Variants in ASAP2 observed in about 807,000 individuals in gnomAD.
The protein encoded by ASAP2 is ArfGAP with SH3 domain, ankyrin repeat and PH domain 2.
Under a neutral mutation model 131.4 loss-of-function variants are expected in ASAP2, and 45 were observed. The observed-to-expected ratio is 0.34, with a 90% CI of 0.27 to 0.44. The LOEUF is 0.44. Ranked by LOEUF, ASAP2 falls within the 20% of genes least tolerant of loss-of-function variation. ASAP2 has a pLI of 1.00. For synonymous variants in ASAP2, 510 were observed against 503.0 expected, an observed-to-expected ratio of 1.01 and a Z score of -0.19; for missense variants, 1,011 against 1,297.0, an observed-to-expected ratio of 0.78 and a Z score of 3.39.
rs763687265 is a variant in ASAP2, at chr2:9,368,496, C to T, written c.1533C>T (p.Val511=). The change falls in exon 16 of 28, where the codon GTC becomes GTT. Residue 511 remains valine (V), a synonymous_variant. Coordinates refer to ENST00000281419, the MANE Select transcript of ASAP2 (RefSeq NM_003887.3). Reference sequence around the variant, plus strand: ...GTTGCCTACCAGCTGAGGACTCAGTCAAACCCAACCCAGGCAGCGACATGT... The same window carrying T: ...GTTGCCTACCAGCTGAGGACTCAGTTAAACCCAACCCAGGCAGCGACATGT... ...MECCLPAEDS[V]KPNPGSDMNA... is the part of the protein sequence containing the mutation. 6.2e-7 allele frequency: 1 copy of T among 1,614,124 alleles called. No homozygotes were observed.
Position 9,380,763 on chromosome 2 carries a change from G to T in ASAP2, c.1971G>T (p.Pro657=). 2 of 1,614,126 alleles carry T rather than the reference G, an allele frequency of 1.2e-6. No homozygotes were observed. The highest frequency in any genetic ancestry group is 1.7e-6 in the Non-Finnish European group (2 of 1,180,034). ...IEIANESGET[P]LDIAKRLKHE... ...TAGCAAACGAGTCAGGAGAGACTCC[G>T]CTGGACATTGCCAAGCGCCTCAAGC... The change falls in exon 20 of 28, where the codon CCG becomes CCT. Residue 657 remains proline, a synonymous_variant. Transcript: ENST00000281419.
rs1234067742 is a variant in ASAP2 at position 9,355,942 on chromosome 2, CAG to C, written c.1112-100_1112-99del. On this transcript the variant is annotated intron_variant, in intron 12 of 27. Coordinates refer to ENST00000281419, the MANE Select transcript of ASAP2 (RefSeq NM_003887.3). ...TTTATACAAATCAGTAATTTCGTAACAGAGAGCTAAGATTATTCCAGAGGCTA... is the reference window on the plus strand; with the variant it reads ...TTTATACAAATCAGTAATTTCGTAACAGAGCTAAGATTATTCCAGAGGCTA... 6 of 1,376,026 alleles carry C rather than the reference CAG, an allele frequency of 4.4e-6. No individual in the cohort carries two copies. The East Asian group carries it at 1.1e-4, about 26-fold the overall frequency. The allele number at this position is 1,376,026 out of a possible 1,614,324, so 85.2% of individuals were successfully genotyped here.
At chr2:9,249,603 G>A (rs547242963) in intron 1 of ASAP2, among the ~76,000 whole-genome samples, 1 of 152,352 alleles carries the variant, frequency 6.6e-6, no homozygotes, top group South Asian at 2.1e-4. Flanking sequence ...CCATCACATA[G>A]ACTGCATAGC....
At chr2:9,211,683 G>A (rs1204666904) in intron 1 of ASAP2, among the ~76,000 whole-genome samples, 7 of 152,312 alleles carry the variant, frequency 4.6e-5, no homozygotes, top group African/African-American at 1.7e-4. Flanking sequence ...TAACTGCAGG[G>A]GTGGGGTGAG....
rs910393591 is a variant in ASAP2, at chr2:9,282,573, G to A, written c.199+3184G>A. 8.5e-5 allele frequency among the ~76,000 whole-genome samples: 13 copies of A among 152,238 alleles called. 1 individual carries two copies. The highest frequency in any genetic ancestry group is 3.4e-3 in the Middle Eastern group (1 of 294). Reference sequence around the variant, plus strand: ...AGTGCCAGCGACCACAGTTGGCTTCGGTGCACTGTAACTACAGTCATGGGC... The same window carrying A: ...AGTGCCAGCGACCACAGTTGGCTTCAGTGCACTGTAACTACAGTCATGGGC... On this transcript the variant is annotated intron_variant, in intron 2 of 27. Coordinates refer to ENST00000281419, the MANE Select transcript of ASAP2 (RefSeq NM_003887.3).
chr2:9,374,968 T>C (rs751554827), intron 17 of ASAP2, 24 bp downstream of exon 17: 1 of 1,512,632 alleles, frequency 6.6e-7, no homozygotes. Flanking sequence ...TTGTTGCTAC[T>C]TTAAAAAAAA....
rs143703956 is a variant in ASAP2, at chr2:9,334,934, G to A, written c.762+121G>A. ...CCGTGCCGCCCACGTGGAGTGTGGC[G>A]TTCCCACGCCTGTCCTCTGTCTTGG... On this transcript the variant is annotated intron_variant, in intron 8 of 27. Coordinates refer to ENST00000281419, the MANE Select transcript of ASAP2 (RefSeq NM_003887.3). 440 of 1,350,378 alleles carry A rather than the reference G, an allele frequency of 3.3e-4. 2 individuals are homozygous for A. In the African/African-American group the frequency reaches 3.8e-3, roughly 12 times the overall value. 83.6% of individuals were successfully genotyped at this position (1,350,378 alleles called of 1,614,324 possible).
intron 1 of ASAP2, among the ~76,000 whole-genome samples, chr2:9,258,799 A>G (rs1166084757): frequency 6.6e-6 from 1 of 152,162 alleles, no homozygotes; most frequent in Non-Finnish European, 1.5e-5. Context: ...CTTCACTTTT[A>G]CTTATTTATT....
At chr2:9,287,640 G>T (rs1667550677) in intron 2 of ASAP2, among the ~76,000 whole-genome samples, 1 of 152,184 alleles carries the variant, frequency 6.6e-6, no homozygotes, top group Non-Finnish European at 1.5e-5. Context: ...AGACTGAGCG[G>T]CGAGCTGGTG....
rs16867022 is a variant in ASAP2, at chr2:9,388,248, A to G, written c.2131-46A>G. 1,362 of 1,605,708 alleles carry G rather than the reference A, an allele frequency of 8.5e-4. 25 individuals carry two copies. In the East Asian group the frequency reaches 0.023, roughly 27 times the overall value. ...TGTGTTGAATGTTATCACCAGGAGC[A>G]GTTCATATTTGTCTCACACGCCTCT... On this transcript the variant is annotated intron_variant, in intron 21 of 27. Transcript: ENST00000281419.
rs1675811292 is a variant in ASAP2 at position 9,392,546 on chromosome 2, A to G, written c.2519-936A>G. 6.6e-6 allele frequency among the ~76,000 whole-genome samples: 1 copy of G among 152,236 alleles called. No homozygotes were observed. Among genetic ancestry groups the G allele is most frequent in the South Asian group, 2.1e-4 (1 of 4,828 alleles). On this transcript the variant is annotated intron_variant, in intron 23 of 27. Transcript: ENST00000281419. The surrounding 1 kb of genome is among the most constrained non-coding windows in gnomAD (Gnocchi z 4.0). ...TTCCAAGGCGAACACACCAAAGGCC[A>G]GAAGGAACCACTTTCCTGCCTCTCC...
chr2:9,388,569 T>C, intron 22 of ASAP2, 23 bp downstream of exon 22: 1 of 1,603,448 alleles, frequency 6.2e-7, no homozygotes, highest in Non-Finnish European at 8.5e-7. Context: ...CCGTCATCCC[T>C]GTGAATATAT....
rs1404138233 is a variant in ASAP2 at position 9,223,902 on chromosome 2, G to T, written c.126+16672G>T. Among the ~76,000 whole-genome samples the T allele has an allele frequency of 3.9e-5, 6 of 152,180 alleles. No individual in the cohort carries two copies. The East Asian group carries it at 9.6e-4, about 24-fold the overall frequency. On this transcript the variant is annotated intron_variant, in intron 1 of 27. Coordinates refer to ENST00000281419, the MANE Select transcript of ASAP2 (RefSeq NM_003887.3). ...AGCAGAGCATGTTTATTGATGTTAG[G>T]TTGGTCATTAAGAATAGTCAAAATC...
In ASAP2 at chr2:9,297,275, C is replaced by T; in HGVS notation, c.200-25C>T. Reference sequence around the variant, plus strand: ...GTGAGGGTGGCATGCCTGAGACTCACAGCACCTCCGTCATTCTGTTGCAGC... The same window carrying T: ...GTGAGGGTGGCATGCCTGAGACTCATAGCACCTCCGTCATTCTGTTGCAGC... On this transcript the variant is annotated intron_variant, in intron 2 of 27. Transcript: ENST00000281419. 3 of 1,609,072 alleles carry T rather than the reference C, an allele frequency of 1.9e-6. No homozygotes were observed. In the South Asian group the frequency reaches 3.3e-5, roughly 18 times the overall value.
intron 25 of ASAP2, among the ~76,000 whole-genome samples, chr2:9,400,298 T>TG (rs1397835233): frequency 1.3e-4 from 5 of 39,846 alleles, no homozygotes; most frequent in Admixed American, 1.9e-4. Flanking sequence ...CCTTCCTTCC[T>TG]CCCCCACTCC....
rs1553297027 is a variant in ASAP2, at chr2:9,254,254, T to TATATACAC, written c.127-25062_127-25061insTATACACA. Among the ~76,000 whole-genome samples the TATATACAC allele has an allele frequency of 6.1e-5, 4 of 65,746 alleles. 1 individual carries two copies. The highest frequency in any genetic ancestry group is 8.5e-5 in the Non-Finnish European group (3 of 35,330). 43.1% of individuals were successfully genotyped at this position (65,746 alleles called of 152,430 possible). On this transcript the variant is annotated intron_variant, in intron 1 of 27. Transcript: ENST00000281419. ...AAAAAAAAATATATATATATATATA[T>TATATACAC]ACACGTGTGTGTGTATGCATATATA...
chr2:9,267,787 A>G (rs1313482381), intron 1 of ASAP2, among the ~76,000 whole-genome samples: 2 of 150,594 alleles, frequency 1.3e-5, no homozygotes, highest in Non-Finnish European at 2.9e-5. Context: ...AGTTCCAGCT[A>G]CTCAGAAGGC....
At chr2:9,403,209 A>C (rs1206131631) in intron 27 of ASAP2, 44 bp from the exon 28 acceptor site, 2 of 1,580,050 alleles carry the variant, frequency 1.3e-6, no homozygotes, top group African/African-American at 2.7e-5. Context: ...GTTTCCACCA[A>C]CATTTGGAAT....
At position 9,207,087 on chromosome 2, in the gene ASAP2, C is replaced by G. The variant is rs2147907578; in HGVS notation, c.-18C>G. On this transcript the variant is annotated 5_prime_UTR_variant, in exon 1 of 28. Transcript: ENST00000281419. The surrounding 1 kb of genome is among the most constrained non-coding windows in gnomAD (Gnocchi z 4.1). The stretch of plus-strand genomic sequence containing the variant: ...CGGCGCCCCTGCGGCTGTGCGCCAG[C>G]GCCCTCGCGCCGAGGCGATGCCGGA... The G allele has an allele frequency of 6.4e-7, 1 of 1,551,672 alleles. No homozygotes were observed. The highest frequency in any genetic ancestry group is 1.2e-5 in the South Asian group (1 of 86,044).
Sources: allele counts gnomAD v4.1 joint callset (sites outside exome capture counted in the v4.1 genomes callset), GRCh38; gene constraint gnomAD v4.1.1; non-coding constraint Gnocchi (gnomAD v3.1); transcripts MANE v1.5; gene names NCBI Gene and HGNC (gene_info 2026-07-23, HGNC 2026-07-21).